The following CNTNAP5 variants were observed in gnomAD, a reference collection of about 807,000 sequenced individuals.
CNTNAP5 encodes the protein contactin-associated protein-like 5.
Under a neutral mutation model 150.2 loss-of-function variants are expected in CNTNAP5, and 72 were observed. That is an observed-to-expected ratio of 0.48 (90% CI 0.40 to 0.58). CNTNAP5 has a LOEUF of 0.58. Ranked by LOEUF, CNTNAP5 falls within the 20% of genes least tolerant of loss-of-function variation. The pLI is 0.00. For missense variants in CNTNAP5, 1,636 were observed against 1,626.2 expected, an observed-to-expected ratio of 1.01 and a Z score of -0.10; for synonymous variants, 672 against 619.8, an observed-to-expected ratio of 1.08 and a Z score of -1.25.
chr2:124,777,597 G>A (rs1681353219), intron 17 of CNTNAP5, among the ~76,000 whole-genome samples: 2 of 152,072 alleles, frequency 1.3e-5, no homozygotes, highest in South Asian at 4.1e-4. Context: ...TGCCCAGGCT[G>A]GTCTCCAATT....
intron 7 of CNTNAP5, among the ~76,000 whole-genome samples, chr2:124,494,241 G>C (rs1223928184): frequency 6.6e-6 from 1 of 152,134 alleles, no homozygotes; most frequent in East Asian, 2.0e-4. Flanking sequence ...GAGAACCAGG[G>C]AAGCCAATAG....
chr2:124,597,780 C>A (rs564154056), intron 11 of CNTNAP5, among the ~76,000 whole-genome samples: 1 of 152,028 alleles, frequency 6.6e-6, no homozygotes, highest in South Asian at 2.1e-4. Context: ...TTCAGGCACA[C>A]CAATCAGACG....
intron 3 of CNTNAP5, among the ~76,000 whole-genome samples, chr2:124,337,756 A>G (rs991948514): frequency 6.6e-6 from 1 of 152,056 alleles, no homozygotes; most frequent in African/African-American, 2.4e-5. Flanking sequence ...TACCAGTACC[A>G]TGCTGTTTTG....
chr2:124,288,370 G>A (rs910068828), intron 3 of CNTNAP5, among the ~76,000 whole-genome samples: 19 of 152,154 alleles, frequency 1.2e-4, no homozygotes, highest in African/African-American at 4.6e-4. Context: ...CAATCAATTA[G>A]TCAACAGATT....
At chr2:124,767,451 A>G (rs1681091803) in intron 16 of CNTNAP5, among the ~76,000 whole-genome samples, 1 of 152,218 alleles carries the variant, frequency 6.6e-6, no homozygotes. Flanking sequence ...CAATGGCTGT[A>G]CAGGTAGAAA....
At chr2:124,832,901 T>C (rs974902377) in intron 19 of CNTNAP5, among the ~76,000 whole-genome samples, 2 of 147,366 alleles carry the variant, frequency 1.4e-5, no homozygotes, top group African/African-American at 5.2e-5. Flanking sequence ...AACTTTCTTT[T>C]TCTTTTTTTT....
rs560882190 is a variant in CNTNAP5, at chr2:124,719,691, C to A, written c.2078-27538C>A. On this transcript the variant is annotated intron_variant, in intron 13 of 23. Transcript: ENST00000682447. Reference sequence around the variant, plus strand: ...TCTGTTGAAGGCACTTAAACTATATCCCCATTTTTTTTAACTCTCAATAAT... The same window carrying A: ...TCTGTTGAAGGCACTTAAACTATATACCCATTTTTTTTAACTCTCAATAAT... Among the ~76,000 whole-genome samples, 18 of 152,138 alleles carry A rather than the reference C, an allele frequency of 1.2e-4. 1 individual carries two copies. The highest frequency in any genetic ancestry group is 2.1e-4 in the Non-Finnish European group (14 of 68,004).
intron 3 of CNTNAP5, among the ~76,000 whole-genome samples, chr2:124,358,049 A>T (rs1231150168): frequency 6.6e-6 from 1 of 151,604 alleles, no homozygotes; most frequent in Non-Finnish European, 1.5e-5. Flanking sequence ...ATTCCTAGGT[A>T]TTTTATTCTC....
chr2:124,901,731 C>T (rs200683543), intron 21 of CNTNAP5, among the ~76,000 whole-genome samples: 1 of 152,074 alleles, frequency 6.6e-6, no homozygotes, highest in Non-Finnish European at 1.5e-5. Context: ...TAACAATACA[C>T]GATTTGATTT....
intron 13 of CNTNAP5, among the ~76,000 whole-genome samples, chr2:124,664,324 A>G (rs1678652295): frequency 9.5e-6 from 1 of 105,768 alleles, no homozygotes; most frequent in Admixed American, 8.9e-5. Flanking sequence ...CCCTGTCTCA[A>G]GAAAAAAAAA....
At chr2:124,327,244 T>C (rs1349674685) in intron 3 of CNTNAP5, among the ~76,000 whole-genome samples, 1 of 152,036 alleles carries the variant, frequency 6.6e-6, no homozygotes, top group Non-Finnish European at 1.5e-5. Context: ...CCTCCCAAAG[T>C]GCTGGGATTA....
At chr2:124,621,483 T>C (rs1196632408) in intron 12 of CNTNAP5, among the ~76,000 whole-genome samples, 1 of 152,200 alleles carries the variant, frequency 6.6e-6, no homozygotes, top group Non-Finnish European at 1.5e-5. Flanking sequence ...TCTCACTCCT[T>C]TGGCAGCAGC....
At chr2:124,903,831 A>G in intron 22 of CNTNAP5, among the ~76,000 whole-genome samples, 1 of 152,144 alleles carries the variant, frequency 6.6e-6, no homozygotes, top group Non-Finnish European at 1.5e-5. Context: ...ACGCAGGAGG[A>G]TCACCTGAGG....
At chr2:124,418,407 T>C (rs1407300521) in intron 4 of CNTNAP5, among the ~76,000 whole-genome samples, 3 of 152,150 alleles carry the variant, frequency 2.0e-5, no homozygotes, top group Non-Finnish European at 4.4e-5. Flanking sequence ...CTGTTTTCCA[T>C]AGTGAGATCA....
At chr2:124,834,895 T>C (rs1049647657) in intron 19 of CNTNAP5, among the ~76,000 whole-genome samples, 2 of 151,778 alleles carry the variant, frequency 1.3e-5, no homozygotes, top group Non-Finnish European at 2.9e-5. Context: ...ATAGATAGGC[T>C]AAGATTTCAT....
At position 124,071,209 on chromosome 2, in the gene CNTNAP5, C is replaced by T. The variant is rs116162651; in HGVS notation, c.82+45477C>T. ...AGTGAAACCATATTATTTCTTCATA[C>T]TGAAGAGGGAAGTTTATAGCTATAA... On this transcript the variant is annotated intron_variant, in intron 1 of 23. Coordinates refer to ENST00000682447, the MANE Select transcript of CNTNAP5 (RefSeq NM_001367498.1). 3.6e-3 allele frequency among the ~76,000 whole-genome samples: 544 copies of T among 151,656 alleles called. 3 individuals are homozygous for T. Among genetic ancestry groups the T allele is most frequent in the African/African-American group, 0.013 (523 of 41,448 alleles).
At chr2:124,132,243 A>C (rs556505757) in intron 1 of CNTNAP5, among the ~76,000 whole-genome samples, 1 of 152,276 alleles carries the variant, frequency 6.6e-6, no homozygotes, top group East Asian at 1.9e-4. Context: ...GCTGAGTATA[A>C]GAATACACAA....
In CNTNAP5 at chr2:124,377,142, G is replaced by C. The variant is rs374699080; in HGVS notation, c.382-40301G>C. ...TCACGTAGTTACCACTAAGGTTTTG[G>C]ATGAGAATGCAGTAGACAGAACTCA... On this transcript the variant is annotated intron_variant, in intron 3 of 23. Transcript: ENST00000682447. Among the ~76,000 whole-genome samples the C allele has an allele frequency of 7.9e-5, 12 of 152,200 alleles. No homozygotes were observed. In the East Asian group the frequency reaches 1.9e-3, roughly 25 times the overall value.
chr2:124,786,399 G>GGAAGGAAGGAAGGA (rs1681584081), intron 17 of CNTNAP5, among the ~76,000 whole-genome samples: 1 of 69,742 alleles, frequency 1.4e-5, no homozygotes, highest in African/African-American at 7.3e-5. Flanking sequence ...AAGAAAGAAA[G>GGAAGGAAGGAAGGA]AAGGAAGGAA....
Sources: gnomAD v4.1 joint callset for allele counts (sites outside exome capture counted in the v4.1 genomes callset) on GRCh38, gnomAD v4.1.1 for gene constraint, MANE v1.5 for transcripts, NCBI Gene and HGNC (gene_info 2026-07-23, HGNC 2026-07-21) for gene names.